Variants in BTD observed in about 807,000 individuals in gnomAD.
BTD encodes biocytinase.
Under a neutral mutation model 17.7 loss-of-function variants are expected in BTD, and 13 were observed. That is an observed-to-expected ratio of 0.74 (90% confidence interval 0.48 to 1.17). The LOEUF (loss-of-function observed/expected upper bound fraction) is 1.17, where lower values mean the gene tolerates loss of function less well. BTD is among the 50% of genes most tolerant of loss of function. The pLI, the probability that BTD is intolerant of heterozygous loss-of-function variation, is 0.00. For synonymous variants in BTD, 240 were observed against 245.2 expected (o/e 0.98, Z 0.20); for missense variants, 674 against 650.4 (o/e 1.04, Z -0.39).
chr3:15,704,348 GAAGGGATAAAAGGCAGAGC>G (rs2071054112), intron 3 of BTD, among the ~76,000 whole-genome samples: 1 of 152,096 alleles, frequency 6.6e-6, no homozygotes, highest in Admixed American at 6.6e-5. Flanking sequence ...AAGTGAGGAT[GAAGGGATAAAAGGCAGAGC>G]AGAATTATAA....
rs1446201912 is a variant in BTD, at chr3:15,602,145, T to G, written c.-17+251T>G. 18 of 1,417,440 alleles carry G rather than the reference T, an allele frequency of 1.3e-5. No individual in the cohort carries two copies. In the East Asian group the frequency reaches 4.5e-4, roughly 36 times the overall value. 87.8% of individuals were successfully genotyped at this position (1,417,440 alleles called of 1,614,324 possible). ...ACCTTGTGGTTTTATAGTCCTTAAA[T>G]TATTGTAGCGCACGTTACTTAAATC... On this transcript the variant is annotated intron_variant, in intron 1 of 3. Coordinates refer to ENST00000643237, the MANE Select transcript of BTD (RefSeq NM_001370658.1).
At chr3:15,623,188 G>T (rs536775322) in intron 1 of BTD, among the ~76,000 whole-genome samples, 8 of 152,174 alleles carry the variant, frequency 5.3e-5, no homozygotes, top group Non-Finnish European at 7.3e-5. Context: ...GATACATGGG[G>T]ATTACTACAA....
intron 1 of BTD, among the ~76,000 whole-genome samples, chr3:15,610,587 C>CG (rs1559577844): frequency 6.6e-6 from 1 of 152,134 alleles, no homozygotes; most frequent in African/African-American, 2.4e-5. Context: ...ATGTCAAGCT[C>CG]GCATATTTAT....
At position 15,646,710 on chromosome 3, in the gene BTD, T is replaced by G. The variant is rs1353106698; in HGVS notation, c.*1222T>G. Reference sequence around the variant, plus strand: ...GATAATTAGTCTTCAGTGATTTGCCTCTTAAATGTGGCCATTTAGTTTGAA... The same window carrying G: ...GATAATTAGTCTTCAGTGATTTGCCGCTTAAATGTGGCCATTTAGTTTGAA... On this transcript the variant is annotated 3_prime_UTR_variant, in exon 4 of 4. Coordinates refer to ENST00000643237, the MANE Select transcript of BTD (RefSeq NM_001370658.1). 1 of 152,270 alleles carries G rather than the reference T, an allele frequency of 6.6e-6. No individual in the cohort carries two copies. Among genetic ancestry groups the G allele is most frequent in the African/African-American group, 2.4e-5 (1 of 41,474 alleles). 9.4% of individuals were successfully genotyped at this position (152,270 alleles called of 1,614,324 possible).
At chr3:15,640,123 A>C (rs1044339296) in intron 2 of BTD, among the ~76,000 whole-genome samples, 1 of 152,214 alleles carries the variant, frequency 6.6e-6, no homozygotes, top group Non-Finnish European at 1.5e-5. Flanking sequence ...AACAAAACTT[A>C]AAACTCTAAT....
intron 1 of BTD, among the ~76,000 whole-genome samples, chr3:15,609,185 A>G (rs1349858554): frequency 1.3e-5 from 2 of 152,222 alleles, no homozygotes; most frequent in African/African-American, 4.8e-5. Flanking sequence ...TACATTTAAC[A>G]TTTATGACAT....
chr3:15,637,578 C>T (rs1389732936), intron 2 of BTD, among the ~76,000 whole-genome samples: 2 of 152,174 alleles, frequency 1.3e-5, no homozygotes, highest in Non-Finnish European at 2.9e-5. Flanking sequence ...ACGTCATTCA[C>T]ACATATGATA....
downstream of BTD, among the ~76,000 whole-genome samples, chr3:15,717,390 T>C (rs2073191289): frequency 6.6e-6 from 1 of 152,170 alleles, no homozygotes; most frequent in African/African-American, 2.4e-5. Context: ...TTCAGATTAC[T>C]AACTAAAAAG....
chr3:15,666,429 G>C (rs2125547004), intron 3 of BTD, among the ~76,000 whole-genome samples: 1 of 152,188 alleles, frequency 6.6e-6, no homozygotes, highest in South Asian at 2.1e-4. Flanking sequence ...CTGTTAAATG[G>C]TGCTATAAAT....
chr3:15,670,141 T>G (rs185205873), intron 3 of BTD: 3 of 1,032,252 alleles, frequency 2.9e-6, no homozygotes. Flanking sequence ...TGCCATCAGA[T>G]CTCTTAACAT....
At chr3:15,688,723 T>C (rs2068438057) in intron 3 of BTD, among the ~76,000 whole-genome samples, 1 of 152,008 alleles carries the variant, frequency 6.6e-6, no homozygotes, top group Non-Finnish European at 1.5e-5. Flanking sequence ...AAATAGAGAG[T>C]TGTGAATCTG....
chr3:15,676,849 A>T, intron 3 of BTD: 1 of 676,168 alleles, frequency 1.5e-6, no homozygotes, highest in Non-Finnish European at 2.4e-6. Flanking sequence ...GACAGTTGTA[A>T]AACTATTAAA....
intron 3 of BTD, among the ~76,000 whole-genome samples, chr3:15,688,415 A>C (rs1389088045): frequency 6.6e-6 from 1 of 152,214 alleles, no homozygotes; most frequent in Admixed American, 6.5e-5. Context: ...TGCGCCACCA[A>C]GTTTGGCTTT....
intron 3 of BTD, among the ~76,000 whole-genome samples, chr3:15,688,770 TA>T (rs1386403308): frequency 6.6e-6 from 1 of 152,258 alleles, no homozygotes; most frequent in East Asian, 1.9e-4. Context: ...GCAAGTCATT[TA>T]ACTGACTTGG....
chr3:15,677,383 G>T, intron 3 of BTD: 1 of 839,488 alleles, frequency 1.2e-6, no homozygotes, highest in Non-Finnish European at 1.9e-6. Context: ...CATTAGAGAG[G>T]TTTGGTCCTG....
chr3:15,679,630 G>A, intron 3 of BTD: 3 of 1,264,522 alleles, frequency 2.4e-6, no homozygotes, highest in Non-Finnish European at 3.4e-6. Flanking sequence ...ACAGGTACAT[G>A]TAAGTGTTTA....
intron 3 of BTD, chr3:15,677,726 T>C: frequency 2.1e-6 from 1 of 472,566 alleles, no homozygotes; most frequent in Non-Finnish European, 3.8e-6. Flanking sequence ...CTTCATATAA[T>C]TGTATGAGAC....
chr3:15,705,176 T>C (rs1259422422), intron 3 of BTD, among the ~76,000 whole-genome samples: 1 of 152,124 alleles, frequency 6.6e-6, no homozygotes, highest in Non-Finnish European at 1.5e-5. Context: ...ATAATAAAAG[T>C]CATTGCTTAC....
At chr3:15,658,001 C>G (rs769790428), downstream of BTD, among the ~76,000 whole-genome samples, 1 of 151,880 alleles carries the variant, frequency 6.6e-6, no homozygotes, top group Non-Finnish European at 1.5e-5. Context: ...AAACCCATCT[C>G]TACTAAAAAT....
Sources: gnomAD v4.1 joint callset for allele counts (sites outside exome capture counted in the v4.1 genomes callset) on GRCh38, gnomAD v4.1.1 for gene constraint, MANE v1.5 for transcripts, NCBI Gene and HGNC (gene_info 2026-07-23, HGNC 2026-07-21) for gene names.